The following TBCEL variants were observed in gnomAD, a reference collection of about 807,000 sequenced individuals.
TBCEL encodes the protein tubulin folding cofactor E like, also known as tubulin-specific chaperone cofactor E-like protein.
Under a neutral mutation model 44.2 loss-of-function variants are expected in TBCEL, and 15 were observed. That is an observed-to-expected ratio of 0.34 (90% CI 0.23 to 0.52). TBCEL has a LOEUF of 0.52. Among genes scored for constraint, TBCEL ranks in the 20% least tolerant of loss-of-function variants. The pLI is 0.95. For synonymous variants in TBCEL, 171 were observed against 185.4 expected (o/e 0.92, Z 0.63); for missense variants, 319 against 506.3 (o/e 0.63, Z 3.55).
At chr11:121,061,390 C>CATAT (rs141780654) in intron 8 of TBCEL, among the ~76,000 whole-genome samples, 2 of 151,008 alleles carry the variant, frequency 1.3e-5, no homozygotes, top group South Asian at 4.2e-4. Flanking sequence ...CACACATACA[C>CATAT]ATATATATAT....
intron 8 of TBCEL, among the ~76,000 whole-genome samples, chr11:121,078,422 C>T (rs899136979): frequency 6.6e-6 from 1 of 152,172 alleles, no homozygotes; most frequent in African/African-American, 2.4e-5. Context: ...CCAGAACCAG[C>T]TCTTATAATG....
chr11:121,025,908 GTGTT>G (rs1352206601), intron 1 of TBCEL, among the ~76,000 whole-genome samples: 1 of 150,712 alleles, frequency 6.6e-6, no homozygotes, highest in African/African-American at 2.4e-5. Flanking sequence ...GTATGCGTGT[GTGTT>G]TTAGTTTCCT....
intron 1 of TBCEL, among the ~76,000 whole-genome samples, chr11:121,032,415 T>C (rs544324466): frequency 1.3e-5 from 2 of 152,328 alleles, no homozygotes; most frequent in African/African-American, 4.8e-5. Flanking sequence ...AAATATAGGA[T>C]TAGGTTCCTG....
intron 6 of TBCEL, among the ~76,000 whole-genome samples, chr11:121,057,890 C>T (rs1330584983): frequency 1.3e-5 from 2 of 151,722 alleles, no homozygotes; most frequent in Non-Finnish European, 2.9e-5. Context: ...GTTGACCTTG[C>T]CTCATTTTAG....
intron 2 of TBCEL, among the ~76,000 whole-genome samples, chr11:121,045,404 T>C (rs1591389298): frequency 6.6e-6 from 1 of 152,206 alleles, no homozygotes; most frequent in African/African-American, 2.4e-5. Context: ...TTGCCCTTGG[T>C]TGGAAGTGAT....
intron 2 of TBCEL, among the ~76,000 whole-genome samples, chr11:121,044,213 C>T (rs1945387143): frequency 6.6e-6 from 1 of 152,266 alleles, no homozygotes; most frequent in Admixed American, 6.6e-5. Context: ...ATCTTCCTAA[C>T]TCTTCTCCCA....
At chr11:121,048,820 T>TA (rs1321688021) in intron 4 of TBCEL, among the ~76,000 whole-genome samples, 1 of 151,910 alleles carries the variant, frequency 6.6e-6, no homozygotes, top group East Asian at 1.9e-4. Context: ...AAACTCAAAA[T>TA]AAAAAGCTTC....
chr11:121,027,620 A>G (rs1945069491), intron 1 of TBCEL, among the ~76,000 whole-genome samples: 1 of 152,132 alleles, frequency 6.6e-6, no homozygotes, highest in Non-Finnish European at 1.5e-5. Context: ...GTGTAAAATT[A>G]TCCCTGAAAG....
Position 121,069,452 on chromosome 11 carries a change from C to T in TBCEL, c.956+9367C>T, listed in dbSNP as rs184345529. Among the ~76,000 whole-genome samples, 23 of 152,200 alleles carry T rather than the reference C, an allele frequency of 1.5e-4. No individual in the cohort carries two copies. In the East Asian group the frequency reaches 4.2e-3, roughly 28 times the overall value. The stretch of plus-strand genomic sequence containing the variant: ...GTAAAGGTACAGAGGTATGAAATGT[C>T]TTTATGTGCAGTGAACTACAACAAT... On this transcript the variant is annotated intron_variant, in intron 8 of 8. Coordinates refer to ENST00000683345, the MANE Select transcript of TBCEL (RefSeq NM_001363644.2).
At chr11:121,038,795 C>G (rs1945279409) in intron 2 of TBCEL, among the ~76,000 whole-genome samples, 1 of 151,718 alleles carries the variant, frequency 6.6e-6, no homozygotes, top group Non-Finnish European at 1.5e-5. Flanking sequence ...AGTTTTTTTT[C>G]CACCAACTGT....
chr11:121,064,470 G>A (rs994585289), intron 8 of TBCEL, among the ~76,000 whole-genome samples: 4 of 152,106 alleles, frequency 2.6e-5, no homozygotes, highest in African/African-American at 9.7e-5. Flanking sequence ...AAGATTCCAG[G>A]ACCAATTAGC....
chr11:121,064,722 G>A lies in TBCEL; in HGVS notation c.956+4637G>A, dbSNP rs187369664. Among the ~76,000 whole-genome samples, 22 of 152,248 alleles carry A rather than the reference G, an allele frequency of 1.4e-4. No individual in the cohort carries two copies. The East Asian group carries it at 3.1e-3, about 21-fold the overall frequency. ...AATATATTTTCAAGGTCTTGGAGTA[G>A]GAAATGTCTTCTGGGTCCTTTTAGG... is the stretch of plus-strand genomic sequence containing the variant. On this transcript the variant is annotated intron_variant, in intron 8 of 8. Transcript: ENST00000683345.
intron 8 of TBCEL, among the ~76,000 whole-genome samples, chr11:121,074,006 A>C (rs1475651813): frequency 6.6e-6 from 1 of 151,636 alleles, no homozygotes; most frequent in Non-Finnish European, 1.5e-5. Context: ...TTGGTCTGTA[A>C]TTTTTTGTGG....
chr11:121,089,909 AG>A lies in TBCEL; in HGVS notation c.*2816del, dbSNP rs1946266980. The A allele has an allele frequency of 6.6e-6, 1 of 152,196 alleles. No individual in the cohort carries two copies. The highest frequency in any genetic ancestry group is 1.5e-5 in the Non-Finnish European group (1 of 68,030). The allele number at this position is 152,196 out of a possible 1,614,324, so 9.4% of individuals were successfully genotyped here. Reference sequence around the variant, plus strand: ...AATAAAGAAAACCAAATCAAAACCAAGGGATCCTTTCTACATGTGGGTGAAC... The same window carrying A: ...AATAAAGAAAACCAAATCAAAACCAAGGATCCTTTCTACATGTGGGTGAAC... On this transcript the variant is annotated 3_prime_UTR_variant, in exon 9 of 9. Transcript: ENST00000683345.
At chr11:121,049,883 T>A (rs540166100) in intron 4 of TBCEL, among the ~76,000 whole-genome samples, 6 of 151,892 alleles carry the variant, frequency 4.0e-5, no homozygotes, top group Admixed American at 3.3e-4. Flanking sequence ...TGTTACATTT[T>A]TCTCAAGCCA....
intron 8 of TBCEL, among the ~76,000 whole-genome samples, chr11:121,081,230 C>T (rs1468895180): frequency 6.6e-6 from 1 of 152,088 alleles, no homozygotes. Context: ...GTTATGCTGG[C>T]CTTTATGCTG....
rs1945592467 is a variant in TBCEL at position 121,054,863 on chromosome 11, G to A, written c.456-189G>A. The A allele has an allele frequency of 6.2e-6, 3 of 486,864 alleles. No individual in the cohort carries two copies. In the South Asian group the frequency reaches 2.3e-4, roughly 37 times the overall value. The allele number at this position is 486,864 out of a possible 1,614,324, so 30.2% of individuals were successfully genotyped here. On this transcript the variant is annotated intron_variant, in intron 5 of 8. Transcript: ENST00000683345. ...TTATATCATTCTTCGCTATTTCAGT[G>A]TGTACTTCAGGTTTTGTCTTCCCAG...
intron 4 of TBCEL, among the ~76,000 whole-genome samples, chr11:121,051,674 A>G (rs1210737882): frequency 2.0e-5 from 3 of 151,788 alleles, no homozygotes; most frequent in African/African-American, 4.8e-5. Flanking sequence ...ATATGTGCAC[A>G]CTGGTATAAA....
At chr11:121,077,822 G>T (rs1946059173) in intron 8 of TBCEL, among the ~76,000 whole-genome samples, 1 of 151,904 alleles carries the variant, frequency 6.6e-6, no homozygotes, top group African/African-American at 2.4e-5. Flanking sequence ...ATTGAATTCA[G>T]ATATTTTCTA....
Sources: allele counts gnomAD v4.1 joint callset (sites outside exome capture counted in the v4.1 genomes callset), GRCh38; gene constraint gnomAD v4.1.1; transcripts MANE v1.5; gene names NCBI Gene and HGNC (gene_info 2026-07-23, HGNC 2026-07-21).